The following POLI variants were observed in gnomAD, a reference collection of about 807,000 sequenced individuals.
POLI encodes the protein RAD30 homolog B.
POLI carries 58 observed loss-of-function variants against 51.6 expected under a neutral mutation model. The observed-to-expected ratio is 1.12, with a 90% confidence interval of 0.91 to 1.40. The LOEUF is 1.40. Ranked by LOEUF, POLI falls within the 40% of genes most tolerant of loss-of-function variation. The probability of loss-of-function intolerance (pLI) is 0.00; values close to 1 mark genes in which losing one functional copy is unlikely to be tolerated. For synonymous variants in POLI, 322 were observed against 299.7 expected (o/e 1.07, Z -0.77); for missense variants, 921 against 871.3 (o/e 1.06, Z -0.72).
rs972996427 is a variant in POLI at position 54,309,515 on chromosome 18, G to T, written c.334-10758G>T. Among the ~76,000 whole-genome samples, 3 of 152,170 alleles carry T rather than the reference G, an allele frequency of 2.0e-5. No homozygotes were observed. In the South Asian group the frequency reaches 6.2e-4, roughly 31 times the overall value. ...AGGTGTCAGTTGGCCCCTACTGGGA[G>T]GTGTCTCCAAGTTAGGCTACGTGGG... On this transcript the variant is annotated intron_variant, in intron 3 of 4. Transcript: ENST00000579823.
At chr18:54,304,134 A>C (rs1321397376) in intron 3 of POLI, among the ~76,000 whole-genome samples, 1 of 152,090 alleles carries the variant, frequency 6.6e-6, no homozygotes. Context: ...TATATATGTG[A>C]CACATTTTCT....
At chr18:54,292,321 T>C (rs1009464212) in intron 9 of POLI, among the ~76,000 whole-genome samples, 2 of 152,184 alleles carry the variant, frequency 1.3e-5, no homozygotes, top group Non-Finnish European at 2.9e-5. Context: ...TATAAAAATA[T>C]GATGGATTAG....
chr18:54,294,242 A>C lies in POLI; in HGVS notation c.1998A>C (p.Gln666His), dbSNP rs201355805. 1.2e-6 allele frequency: 2 copies of C among 1,613,734 alleles called. No homozygotes were observed. The highest frequency in any genetic ancestry group is 1.7e-6 in the Non-Finnish European group (2 of 1,179,734). ...FHSFPNLQSE[Q>H]LFSRNHTTDS... The stretch of plus-strand genomic sequence containing the variant: ...CATTTCCAAACTTGCAGAGTGAGCA[A>C]CTTTTCTCCAGAAACCACACTACAG... Residue 666 changes from glutamine (Q) to histidine (H), a missense_variant, in exon 10 of 10, where the codon CAA becomes CAC. By Grantham distance (24) the Gln-to-His change is conservative. Transcript: ENST00000579534.
At chr18:54,290,772 T>C (rs1410606794) in intron 8 of POLI, among the ~76,000 whole-genome samples, 2 of 152,116 alleles carry the variant, frequency 1.3e-5, no homozygotes, top group Non-Finnish European at 2.9e-5. Context: ...AAGTGGGAGT[T>C]GAACAACGAG....
chr18:54,283,856 A>G, intron 6 of POLI, 66 bp from the exon 7 acceptor site: 1 of 624,964 alleles, frequency 1.6e-6, no homozygotes, highest in Non-Finnish European at 2.8e-6. Flanking sequence ...ATTTGACTGT[A>G]CACTGATAAT....
downstream of POLI, among the ~76,000 whole-genome samples, chr18:54,298,997 C>A (rs2088442385): frequency 6.6e-6 from 1 of 152,008 alleles, no homozygotes; most frequent in Admixed American, 6.6e-5. Flanking sequence ...CTCAGATAAG[C>A]CCATTGTAAA....
At chr18:54,290,506 G>T (rs1056029067) in intron 8 of POLI, among the ~76,000 whole-genome samples, 1 of 152,126 alleles carries the variant, frequency 6.6e-6, no homozygotes, top group Non-Finnish European at 1.5e-5. Flanking sequence ...TATAAATCAT[G>T]CTACTATAAA....
At chr18:54,290,377 G>A (rs369255252) in intron 8 of POLI, among the ~76,000 whole-genome samples, 26 of 152,176 alleles carry the variant, frequency 1.7e-4, no homozygotes, top group African/African-American at 5.1e-4. Context: ...TTACACTGTT[G>A]GTGGGAGTGT....
At chr18:54,291,646 A>AT in intron 8 of POLI, 187 bp from the exon 9 acceptor site, 1 of 413,066 alleles carries the variant, frequency 2.4e-6, no homozygotes, top group Non-Finnish European at 4.3e-6. Context: ...TATAACCAGA[A>AT]ATCCCATATT....
Position 54,297,189 on chromosome 18 carries a change from T to A in POLI, c.*2722T>A. On this transcript the variant is annotated 3_prime_UTR_variant, in exon 10 of 10. Coordinates refer to ENST00000579534, the MANE Select transcript of POLI (RefSeq NM_007195.3). ...ATTCCAAACTAACAGGCAGATGCTG[T>A]TAGCTATCTGCCTCCAGGGATAAAC... The A allele has an allele frequency of 1.0e-6, 1 of 984,866 alleles. No homozygotes were observed. The highest frequency in any genetic ancestry group is 1.2e-6 in the Non-Finnish European group (1 of 829,404). The allele number at this position is 984,866 out of a possible 1,614,324, so 61.0% of individuals were successfully genotyped here.
chr18:54,281,004 C>A, intron 5 of POLI, 101 bp downstream of exon 5: 1 of 675,246 alleles, frequency 1.5e-6, no homozygotes, highest in Non-Finnish European at 2.4e-6. Flanking sequence ...GTAGAGTTGT[C>A]TGTGAGTTTG....
At position 54,293,663 on chromosome 18, in the gene POLI, T is replaced by A; in HGVS notation, c.1419T>A (p.Thr473=). 6.4e-7 allele frequency: 1 copy of A among 1,571,030 alleles called. No individual in the cohort carries two copies. Among genetic ancestry groups the A allele is most frequent in the South Asian group, 1.2e-5 (1 of 83,016 alleles). ...SGKHSFKMKD[T]HMEDFPKDKE... is the part of the protein sequence containing the mutation. ...TTGTGTTCTAGAAAATGAAAGACAC[T>A]CATATGGAAGATTTTCCCAAAGACA... Residue 473 remains threonine, a synonymous_variant, in exon 10 of 10, where the codon ACT becomes ACA. Transcript: ENST00000579534.
Position 54,277,669 on chromosome 18 carries a change from T to C in POLI, c.407-34T>C, listed in dbSNP as rs753268252. The C allele has an allele frequency of 4.9e-5, 69 of 1,414,636 alleles. No individual in the cohort carries two copies. In the Middle Eastern group the frequency reaches 1.4e-3, roughly 29 times the overall value. The allele number at this position is 1,414,636 out of a possible 1,614,324, so 87.6% of individuals were successfully genotyped here. Reference sequence around the variant, plus strand: ...TAAATTTATCCTAGTTATAACTTCATTTACATTTGTGCTCCAATATTATTT... The same window carrying C: ...TAAATTTATCCTAGTTATAACTTCACTTACATTTGTGCTCCAATATTATTT... On this transcript the variant is annotated intron_variant, in intron 3 of 9. Transcript: ENST00000579534.
intron 3 of POLI, among the ~76,000 whole-genome samples, chr18:54,304,523 A>AT (rs1303042815): frequency 1.3e-5 from 2 of 152,178 alleles, no homozygotes; most frequent in African/African-American, 4.8e-5. Flanking sequence ...GATGATGAGC[A>AT]TTTTTTCATA....
intron 5 of POLI, 63 bp from the exon 6 acceptor site, chr18:54,282,769 ATATTT>A (rs2087564006): frequency 2.4e-6 from 2 of 823,876 alleles, no homozygotes; most frequent in African/African-American, 3.5e-5. Flanking sequence ...TATATTTATA[ATATTT>A]TAATTAGCTT....
At chr18:54,307,313 C>A (rs1281449215) in intron 3 of POLI, among the ~76,000 whole-genome samples, 1 of 152,182 alleles carries the variant, frequency 6.6e-6, no homozygotes, top group Admixed American at 6.5e-5. Context: ...CAAAGAACAT[C>A]TTTATTTCTG....
chr18:54,271,697 A>C (rs527415832), intron 2 of POLI, among the ~76,000 whole-genome samples: 2 of 152,342 alleles, frequency 1.3e-5, no homozygotes, highest in East Asian at 3.9e-4. Flanking sequence ...TGTAGTCGGC[A>C]GAACAAATGA....
chr18:54,293,399 A>G (rs2088118982), intron 9 of POLI, among the ~76,000 whole-genome samples: 1 of 152,046 alleles, frequency 6.6e-6, no homozygotes, highest in Non-Finnish European at 1.5e-5. Flanking sequence ...CAGGTCTCCA[A>G]ATGCATATTT....
chr18:54,307,154 C>T (rs1309702200), intron 3 of POLI, among the ~76,000 whole-genome samples: 1 of 152,102 alleles, frequency 6.6e-6, no homozygotes, highest in Non-Finnish European at 1.5e-5. Flanking sequence ...TTTGCTCTTG[C>T]TTCTCTAGTT....
Sources: gnomAD v4.1 joint callset for allele counts (sites outside exome capture counted in the v4.1 genomes callset) on GRCh38, gnomAD v4.1.1 for gene constraint, MANE v1.5 for transcripts, NCBI Gene and HGNC (gene_info 2026-07-23, HGNC 2026-07-21) for gene names.